The following RAB27A variants were observed in gnomAD, a reference collection of about 807,000 sequenced individuals.
RAB27A encodes the protein ras-related protein Rab-27A.
A neutral mutation model predicts 20.8 loss-of-function variants in RAB27A; 17 were observed. The observed-to-expected ratio is 0.82, with a 90% confidence interval of 0.56 to 1.23. RAB27A has a LOEUF of 1.23. RAB27A is among the 50% of genes most tolerant of loss of function. RAB27A has a pLI of 0.00. For synonymous variants in RAB27A, 85 were observed against 92.8 expected, an observed-to-expected ratio of 0.92 and a Z score of 0.48; for missense variants, 277 against 266.7, an observed-to-expected ratio of 1.04 and a Z score of -0.27.
upstream of RAB27A, chr15:55,289,818 G>A (rs1898265723): frequency 6.6e-6 from 1 of 152,446 alleles, no homozygotes; most frequent in South Asian, 2.1e-4. Flanking sequence ...TTTTCCGCCT[G>A]GCCCCACATC....
intron 6 of RAB27A, among the ~76,000 whole-genome samples, chr15:55,223,067 C>T (rs1386901489): frequency 1.3e-5 from 2 of 152,144 alleles, no homozygotes; most frequent in Non-Finnish European, 2.9e-5. Context: ...TGACCCTCCA[C>T]CACAAGACCA....
intron 1 of RAB27A, among the ~76,000 whole-genome samples, chr15:55,287,361 C>A (rs564987630): frequency 1.3e-5 from 2 of 152,252 alleles, no homozygotes; most frequent in African/African-American, 4.8e-5. Flanking sequence ...AGAGAAAACT[C>A]AAAAATCTGG....
chr15:55,230,097 C>T (rs1425376563), intron 4 of RAB27A, among the ~76,000 whole-genome samples: 1 of 152,042 alleles, frequency 6.6e-6, no homozygotes, highest in Non-Finnish European at 1.5e-5. Flanking sequence ...ATGCATGTAA[C>T]TTGGCCACTT....
At position 55,309,992 on chromosome 15, in the gene RAB27A, C is replaced by T. The variant is rs141077179; in HGVS notation, c.-112+4047G>A. Among the ~76,000 whole-genome samples the T allele has an allele frequency of 1.1e-3, 174 of 152,058 alleles. 2 individuals are homozygous for T. Among genetic ancestry groups the T allele is most frequent in the African/African-American group, 4.1e-3 (168 of 41,468 alleles). Reference sequence around the variant, plus strand: ...TCGAACAGGACGGGCATTCTTTGCTCGTCCATATTGTCCTTCTGTTACCCA... The same window carrying T: ...TCGAACAGGACGGGCATTCTTTGCTTGTCCATATTGTCCTTCTGTTACCCA... On this transcript the variant is annotated intron_variant, in intron 2 of 5. Coordinates refer to the RAB27A transcript ENST00000563262.
chr15:55,228,566 G>C (rs755197872), intron 5 of RAB27A, 43 bp downstream of exon 5: 4 of 1,391,394 alleles, frequency 2.9e-6, no homozygotes, highest in East Asian at 4.6e-5. Context: ...CTATAAATAA[G>C]AGGGGACTGT....
intron 2 of RAB27A, among the ~76,000 whole-genome samples, chr15:55,301,332 A>C (rs1489839799): frequency 6.6e-6 from 1 of 152,208 alleles, no homozygotes; most frequent in Non-Finnish European, 1.5e-5. Context: ...CAATTTAAAA[A>C]ATAGATGGAT....
intron 2 of RAB27A, among the ~76,000 whole-genome samples, chr15:55,263,395 T>C (rs1448939386): frequency 7.9e-5 from 12 of 152,106 alleles, no homozygotes; most frequent in Non-Finnish European, 1.5e-5. Context: ...AAAAAGTTAC[T>C]TGAGATGCAG....
chr15:55,225,704 T>C (rs1895768557), intron 5 of RAB27A, among the ~76,000 whole-genome samples: 1 of 152,234 alleles, frequency 6.6e-6, no homozygotes, highest in Admixed American at 6.5e-5. Flanking sequence ...TTATTGGTGA[T>C]TTCTTCTTTT....
intron 5 of RAB27A, among the ~76,000 whole-genome samples, chr15:55,228,032 A>C (rs1595692653): frequency 6.6e-6 from 1 of 152,218 alleles, no homozygotes; most frequent in Non-Finnish European, 1.5e-5. Flanking sequence ...TCTCCAAAAT[A>C]AAGGTTGACA....
Position 55,203,259 on chromosome 15 carries a change from CTTATTTT to C in RAB27A, c.*2241_*2247del, listed in dbSNP as rs565165091. The C allele has an allele frequency of 9.0e-4, 137 of 152,214 alleles. 1 individual carries two copies. Among genetic ancestry groups the C allele is most frequent in the African/African-American group, 3.2e-3 (133 of 41,544 alleles). The allele number at this position is 152,214 out of a possible 1,614,324, so 9.4% of individuals were successfully genotyped here. A position where few individuals can be genotyped will look rare whatever the true frequency, so the allele number is the denominator to read the frequency against. ...TTGAAAACTGAAACATGCAAACATT[CTTATTTT>C]TATGTTTAAAGACATTTAATGTGTT... On this transcript the variant is annotated 3_prime_UTR_variant, in exon 7 of 7. Coordinates refer to ENST00000336787, the MANE Select transcript of RAB27A (RefSeq NM_183235.3).
At chr15:55,296,541 G>A (rs1206409165) in intron 2 of RAB27A, among the ~76,000 whole-genome samples, 1 of 152,064 alleles carries the variant, frequency 6.6e-6, no homozygotes, top group African/African-American at 2.4e-5. Flanking sequence ...ACTTGGTCTG[G>A]GAAGGAAAAA....
chr15:55,249,071 G>C (rs146717767), intron 2 of RAB27A: 1 of 152,306 alleles, frequency 6.6e-6, no homozygotes, highest in African/African-American at 2.4e-5. Flanking sequence ...ATCAGCAGCT[G>C]TTTATAGAAT....
At chr15:55,253,063 C>T (rs559563268) in intron 2 of RAB27A, among the ~76,000 whole-genome samples, 5 of 151,188 alleles carry the variant, frequency 3.3e-5, no homozygotes, top group South Asian at 2.1e-4. Flanking sequence ...ACCCAGGAGG[C>T]GGAGGTTGCA....
chr15:55,260,974 C>T lies in RAB27A; in HGVS notation c.-23+9191G>A, dbSNP rs147219454. Among the ~76,000 whole-genome samples the T allele has an allele frequency of 4.8e-4, 71 of 147,928 alleles. 1 individual carries two copies. The highest frequency in any genetic ancestry group is 1.6e-3 in the African/African-American group (64 of 39,630). ...ATAGAGGTTCATCATGTGTAACAAA[C>T]GTACCACTCTGGTATGGGATGTTGA... On this transcript the variant is annotated intron_variant, in intron 2 of 6. Coordinates refer to ENST00000336787, the MANE Select transcript of RAB27A (RefSeq NM_183235.3).
chr15:55,214,185 C>T (rs551174415), intron 6 of RAB27A, among the ~76,000 whole-genome samples: 1 of 152,140 alleles, frequency 6.6e-6, no homozygotes, highest in African/African-American at 2.4e-5. Context: ...GCCTGTAATC[C>T]CAGCACTTTG....
rs141012915 is a variant in RAB27A, at chr15:55,277,290, G to T, written c.-142-7006C>A. On this transcript the variant is annotated intron_variant, in intron 1 of 6. Transcript: ENST00000336787. The stretch of plus-strand genomic sequence containing the variant: ...CTCTGGAGAGCAGGAAATGGGCTGG[G>T]GGAGAGGCGTCTACTGGTTTTTTGT... Among the ~76,000 whole-genome samples the T allele has an allele frequency of 9.5e-4, 145 of 152,308 alleles. 1 individual carries two copies. The highest frequency in any genetic ancestry group is 3.4e-3 in the African/African-American group (140 of 41,560).
chr15:55,216,913 C>T (rs1008789751), intron 6 of RAB27A, among the ~76,000 whole-genome samples: 32 of 152,122 alleles, frequency 2.1e-4, no homozygotes, highest in Admixed American at 7.2e-4. Context: ...TTAATACTGA[C>T]GTATAAATGA....
At chr15:55,247,937 CTT>C (rs765207631) in intron 2 of RAB27A, among the ~76,000 whole-genome samples, 46 of 135,396 alleles carry the variant, frequency 3.4e-4, no homozygotes, top group East Asian at 6.2e-4. Context: ...TCACTAACCA[CTT>C]TTTTTTTTTT....
At chr15:55,290,385 T>C (rs567225883), upstream of RAB27A, 2 of 152,188 alleles carry the variant, frequency 1.3e-5, no homozygotes, top group Non-Finnish European at 2.9e-5. Context: ...GGCAAGGGAA[T>C]GCCCAGGATT....
Sources: allele counts gnomAD v4.1 joint callset (sites outside exome capture counted in the v4.1 genomes callset), GRCh38; gene constraint gnomAD v4.1.1; transcripts MANE v1.5; gene names NCBI Gene and HGNC (gene_info 2026-07-23, HGNC 2026-07-21).